The following PPM1H variants were observed in gnomAD, a reference collection of about 807,000 sequenced individuals.
PPM1H encodes protein phosphatase 1H.
In PPM1H, 27 loss-of-function variants were observed where a neutral mutation model predicts 54.9. The ratio of observed to expected loss-of-function variants is 0.49; its 90% confidence interval spans 0.36 to 0.68. PPM1H has a LOEUF of 0.68. Ranked by LOEUF, PPM1H falls within the 30% of genes least tolerant of loss-of-function variation. The probability of loss-of-function intolerance (pLI) is 0.00; values close to 1 mark genes in which losing one functional copy is unlikely to be tolerated. For synonymous variants in PPM1H, 305 were observed against 270.8 expected (o/e 1.13, Z -1.24); for missense variants, 596 against 667.8 (o/e 0.89, Z 1.19).
At chr12:62,910,113 T>A (rs1871410099) in intron 1 of PPM1H, among the ~76,000 whole-genome samples, 2 of 151,968 alleles carry the variant, frequency 1.3e-5, no homozygotes, top group Admixed American at 6.6e-5. Context: ...GATGAACCAG[T>A]ATGCACGAAA....
intron 4 of PPM1H, among the ~76,000 whole-genome samples, chr12:62,758,950 C>T (rs951506505): frequency 6.6e-6 from 1 of 152,184 alleles, no homozygotes; most frequent in African/African-American, 2.4e-5. Flanking sequence ...TTTGTAATCT[C>T]CCCCACCCTT....
At chr12:62,884,647 G>A (rs781505522) in intron 1 of PPM1H, among the ~76,000 whole-genome samples, 1 of 152,124 alleles carries the variant, frequency 6.6e-6, no homozygotes, top group Non-Finnish European at 1.5e-5. Context: ...GGAAAAGCTG[G>A]TTCTGAACAA....
intron 3 of PPM1H, among the ~76,000 whole-genome samples, chr12:62,795,667 C>T (rs1266222729): frequency 1.3e-5 from 2 of 151,850 alleles, no homozygotes; most frequent in Non-Finnish European, 2.9e-5. Context: ...CTCCTGACCT[C>T]GTGATCCACC....
chr12:62,710,649 A>G (rs1175979681), intron 6 of PPM1H, among the ~76,000 whole-genome samples: 1 of 152,208 alleles, frequency 6.6e-6, no homozygotes, highest in South Asian at 2.1e-4. Context: ...CTCTTCTGAC[A>G]GACAAGAGCT....
chr12:62,832,027 T>A (rs1868369969), intron 2 of PPM1H, 87 bp downstream of exon 2: 9 of 1,459,342 alleles, frequency 6.2e-6, no homozygotes, highest in African/African-American at 1.4e-5. Flanking sequence ...CCATTCCAGA[T>A]TTAGGTGAAG....
At chr12:62,925,623 G>A (rs958660702) in intron 1 of PPM1H, among the ~76,000 whole-genome samples, 8 of 152,156 alleles carry the variant, frequency 5.3e-5, no homozygotes, top group Admixed American at 3.9e-4. Flanking sequence ...GCTCTGGTGT[G>A]TCATGCTAGC....
At position 62,934,396 on chromosome 12, in the gene PPM1H, G is replaced by A. The variant is rs1429745675; in HGVS notation, c.245+96C>T. ...GCCTGGACGCCGGCAGCTAGTGAGAGCCCTGAGGCCGAGAAGCAGGGAGAG... is the reference window on the plus strand; with the variant it reads ...GCCTGGACGCCGGCAGCTAGTGAGAACCCTGAGGCCGAGAAGCAGGGAGAG... On this transcript the variant is annotated intron_variant, in intron 1 of 9. Coordinates refer to ENST00000228705, the MANE Select transcript of PPM1H (RefSeq NM_020700.2). The surrounding 1 kb of genome is among the most constrained non-coding windows in gnomAD (Gnocchi z 4.2). 3 of 1,383,574 alleles carry A rather than the reference G, an allele frequency of 2.2e-6. No homozygotes were observed. Among genetic ancestry groups the A allele is most frequent in the African/African-American group, 1.5e-5 (1 of 66,764 alleles). 85.7% of individuals were successfully genotyped at this position (1,383,574 alleles called of 1,614,324 possible).
chr12:62,736,422 A>G (rs1299026271), intron 5 of PPM1H, among the ~76,000 whole-genome samples: 1 of 152,228 alleles, frequency 6.6e-6, no homozygotes, highest in Non-Finnish European at 1.5e-5. Context: ...TTATCAGCTT[A>G]AGACACCACC....
chr12:62,839,884 A>AAAAAACAAAAAAAC lies in PPM1H; in HGVS notation c.246-7606_246-7605insGTTTTTTTGTTTTT, dbSNP rs761102672. ...GTGATCCTGTTTCTACAAAAAAAAA[A>AAAAAACAAAAAAAC]AAAAAACACCCAGTGTGGTGGCACG... On this transcript the variant is annotated intron_variant, in intron 1 of 9. Transcript: ENST00000228705. 2.3e-4 allele frequency among the ~76,000 whole-genome samples: 34 copies of AAAAAACAAAAAAAC among 150,274 alleles called. 1 individual carries two copies. Among genetic ancestry groups the AAAAAACAAAAAAAC allele is most frequent in the African/African-American group, 8.0e-4 (32 of 40,146 alleles).
intron 1 of PPM1H, among the ~76,000 whole-genome samples, chr12:62,869,125 G>A (rs977588601): frequency 2.0e-5 from 3 of 152,174 alleles, no homozygotes; most frequent in South Asian, 2.1e-4. Context: ...TACCCTATAT[G>A]TGGCTTTAGA....
At chr12:62,899,594 T>C (rs1338313525) in intron 1 of PPM1H, among the ~76,000 whole-genome samples, 4 of 152,152 alleles carry the variant, frequency 2.6e-5, no homozygotes, top group Admixed American at 6.5e-5. Context: ...AGCTTTTATA[T>C]GGGCCCCTTA....
intron 1 of PPM1H, among the ~76,000 whole-genome samples, chr12:62,894,304 G>A (rs1870903878): frequency 6.6e-6 from 1 of 152,216 alleles, no homozygotes; most frequent in African/African-American, 2.4e-5. Context: ...CTTTTTATAG[G>A]GGTGACAGCA....
chr12:62,745,707 C>T (rs957829554), intron 4 of PPM1H, among the ~76,000 whole-genome samples: 2 of 152,174 alleles, frequency 1.3e-5, no homozygotes, highest in African/African-American at 4.8e-5. Flanking sequence ...CTGGTTAAGC[C>T]TAAAACTGTC....
chr12:62,895,943 ATAGAC>A (rs1565822724), intron 1 of PPM1H, among the ~76,000 whole-genome samples: 1 of 152,192 alleles, frequency 6.6e-6, no homozygotes, highest in East Asian at 1.9e-4. Context: ...AACAAAATAA[ATAGAC>A]TAAGAGACCC....
At chr12:62,876,867 G>A (rs1348011946) in intron 1 of PPM1H, among the ~76,000 whole-genome samples, 1 of 152,124 alleles carries the variant, frequency 6.6e-6, no homozygotes, top group South Asian at 2.1e-4. Context: ...CCCAGTTGCC[G>A]AAGGTGTTGA....
chr12:62,869,017 A>G (rs1256249150), intron 1 of PPM1H, among the ~76,000 whole-genome samples: 1 of 152,166 alleles, frequency 6.6e-6, no homozygotes, highest in African/African-American at 2.4e-5. Context: ...TGTACCCACT[A>G]TGTGCTGCGA....
chr12:62,721,205 C>T (rs1445181133), intron 5 of PPM1H, among the ~76,000 whole-genome samples: 2 of 152,188 alleles, frequency 1.3e-5, no homozygotes, highest in African/African-American at 2.4e-5. Context: ...GGGTCATAGG[C>T]ATCTCTTACA....
intron 1 of PPM1H, among the ~76,000 whole-genome samples, chr12:62,865,241 G>A (rs964271053): frequency 1.3e-5 from 2 of 152,072 alleles, no homozygotes; most frequent in African/African-American, 4.8e-5. Context: ...TCAGAAAGAC[G>A]TCACCAGATC....
intron 2 of PPM1H, among the ~76,000 whole-genome samples, chr12:62,822,558 G>C (rs2076910810): frequency 6.6e-6 from 1 of 152,156 alleles, no homozygotes; most frequent in Non-Finnish European, 1.5e-5. Context: ...AGACCACAAT[G>C]CAATCAAATT....
Sources: gnomAD v4.1 joint callset for allele counts (sites outside exome capture counted in the v4.1 genomes callset) on GRCh38, gnomAD v4.1.1 for gene constraint, Gnocchi (gnomAD v3.1) non-coding constraint, MANE v1.5 for transcripts, NCBI Gene and HGNC (gene_info 2026-07-23, HGNC 2026-07-21) for gene names.